Variants in RPA1 observed in about 807,000 individuals in gnomAD.
The protein encoded by RPA1 is replication protein A 70 kDa DNA-binding subunit.
Under a neutral mutation model 83.0 loss-of-function variants are expected in RPA1, and 49 were observed. That is an observed-to-expected ratio of 0.59 (90% CI 0.47 to 0.75). The LOEUF is 0.75. Among genes scored for constraint, RPA1 ranks in the 30% least tolerant of loss-of-function variants. The pLI is 0.00. For synonymous variants in RPA1, 279 were observed against 281.8 expected, an observed-to-expected ratio of 0.99 and a Z score of 0.10; for missense variants, 693 against 776.1, an observed-to-expected ratio of 0.89 and a Z score of 1.27.
chr17:1,897,210 T>G lies in RPA1; in HGVS notation c.*35T>G. On this transcript the variant is annotated 3_prime_UTR_variant, in exon 17 of 17. Coordinates refer to ENST00000254719, the MANE Select transcript of RPA1 (RefSeq NM_002945.5). Reference sequence around the variant, plus strand: ...TGCCAATCGGGCAGAAGTTTGCAAATAGGCAGAATGGAATCGATTTCCTCC... The same window carrying G: ...TGCCAATCGGGCAGAAGTTTGCAAAGAGGCAGAATGGAATCGATTTCCTCC... 1 of 1,459,632 alleles carries G rather than the reference T, an allele frequency of 6.9e-7. No homozygotes were observed. The highest frequency in any genetic ancestry group is 9.3e-7 in the Non-Finnish European group (1 of 1,069,614). 90.4% of individuals were successfully genotyped at this position (1,459,632 alleles called of 1,614,324 possible).
chr17:1,875,699 T>C lies in RPA1; in HGVS notation c.493T>C (p.Phe165Leu). 1.9e-6 allele frequency: 3 copies of C among 1,614,154 alleles called. No individual in the cohort carries two copies. The highest frequency in any genetic ancestry group is 1.7e-6 in the Non-Finnish European group (2 of 1,180,022). ...VSKAYGASKTFGKAAGPSLSH... is the reference protein window; with the variant it reads ...VSKAYGASKTLGKAAGPSLSH... ...TAAGGCTTATGGTGCTTCAAAGACA[T>C]TTGGAAAAGCTGCAGGTCCCAGCCT... is the stretch of plus-strand genomic sequence containing the variant. Residue 165 changes from phenylalanine to leucine, a missense_variant, in exon 7 of 17, where the codon TTT (phenylalanine) becomes CTT (leucine). By Grantham distance (22) the Phe-to-Leu change is conservative. Coordinates refer to ENST00000254719, the MANE Select transcript of RPA1 (RefSeq NM_002945.5).
chr17:1,853,187 A>T lies in RPA1; in HGVS notation c.359A>T (p.Glu120Val). 6.2e-7 allele frequency: 1 copy of T among 1,613,300 alleles called. No homozygotes were observed. Among genetic ancestry groups the T allele is most frequent in the Non-Finnish European group, 8.5e-7 (1 of 1,179,236 alleles). The change falls in exon 5 of 17, where the codon GAA (glutamate) becomes GTA (valine). Residue 120 changes from glutamate to valine, a missense_variant and splice_region_variant. Coordinates refer to ENST00000254719, the MANE Select transcript of RPA1 (RefSeq NM_002945.5). ...VKIGNPVPYN[E>V]GLGQPQVAPP... ...ATTGGCAATCCAGTGCCCTATAATGAAGGTAAAATGCTTTGGCGTAGGTTG... is the reference window on the plus strand; with the variant it reads ...ATTGGCAATCCAGTGCCCTATAATGTAGGTAAAATGCTTTGGCGTAGGTTG...
chr17:1,850,440 G>A (rs943919140), intron 4 of RPA1, among the ~76,000 whole-genome samples: 1 of 151,570 alleles, frequency 6.6e-6, no homozygotes, highest in Non-Finnish European at 1.5e-5. Flanking sequence ...GGGAGGCTGA[G>A]GCAAGAGAAT....
At chr17:1,882,609 G>A (rs572735251) in intron 12 of RPA1, among the ~76,000 whole-genome samples, 3 of 152,234 alleles carry the variant, frequency 2.0e-5, no homozygotes, top group East Asian at 3.9e-4. Flanking sequence ...AGGTTGCAGC[G>A]AGCCAAGTTG....
chr17:1,896,544 T>A (rs1435965626), intron 16 of RPA1, among the ~76,000 whole-genome samples: 1 of 151,992 alleles, frequency 6.6e-6, no homozygotes, highest in Admixed American at 6.6e-5. Context: ...CTGGGGGGGA[T>A]TTTTGGGGCC....
intron 6 of RPA1, among the ~76,000 whole-genome samples, chr17:1,873,992 CAAAAAAAA>C (rs71150832): frequency 6.6e-5 from 3 of 45,420 alleles, no homozygotes; most frequent in East Asian, 1.4e-3. Flanking sequence ...GACTCTGTCT[CAAAAAAAA>C]AAAAAAAAAA....
At chr17:1,895,313 T>C (rs1041100629) in intron 16 of RPA1, among the ~76,000 whole-genome samples, 10 of 151,680 alleles carry the variant, frequency 6.6e-5, no homozygotes, top group African/African-American at 2.4e-4. Flanking sequence ...GGGTGGGGAA[T>C]ACAATATGGA....
At chr17:1,894,917 A>T (rs1914340738) in intron 15 of RPA1, 92 bp from the exon 16 acceptor site, 1 of 936,432 alleles carries the variant, frequency 1.1e-6, no homozygotes, top group Admixed American at 1.9e-5. Flanking sequence ...TACCCAGGAG[A>T]TGCATTTTCA....
At chr17:1,879,796 G>A in intron 11 of RPA1, 97 bp downstream of exon 11, 1 of 1,467,158 alleles carries the variant, frequency 6.8e-7, no homozygotes. Flanking sequence ...CACACAGGAG[G>A]AGCTCCTGGA....
intron 4 of RPA1, among the ~76,000 whole-genome samples, chr17:1,850,345 G>T (rs1478529800): frequency 6.8e-6 from 1 of 147,862 alleles, no homozygotes; most frequent in Non-Finnish European, 1.5e-5. Flanking sequence ...CAGCCTGGCT[G>T]GCCAACATGG....
Position 1,884,644 on chromosome 17 carries a change from C to T in RPA1, c.1374+700C>T, listed in dbSNP as rs1163311124. Among the ~76,000 whole-genome samples the T allele has an allele frequency of 6.6e-6, 1 of 152,120 alleles. No homozygotes were observed. Among genetic ancestry groups the T allele is most frequent in the Non-Finnish European group, 1.5e-5 (1 of 68,024 alleles). On this transcript the variant is annotated intron_variant, in intron 13 of 16. Coordinates refer to ENST00000254719, the MANE Select transcript of RPA1 (RefSeq NM_002945.5). The surrounding 1 kb of genome is among the most constrained non-coding windows in gnomAD (Gnocchi z 4.1). Reference sequence around the variant, plus strand: ...TCTCATTTCACTGTATACCCTTATCCATCATTGTCAACAGCAGCTCTTAAG... The same window carrying T: ...TCTCATTTCACTGTATACCCTTATCTATCATTGTCAACAGCAGCTCTTAAG...
chr17:1,843,117 C>T (rs1218264091), intron 2 of RPA1, among the ~76,000 whole-genome samples: 1 of 151,900 alleles, frequency 6.6e-6, no homozygotes, highest in African/African-American at 2.4e-5. Context: ...TGATAGATGA[C>T]TGTGGAGCTA....
Position 1,891,806 on chromosome 17 carries a change from GAAATAATGTAGAATTGTGTTTTTTAGGT to G in RPA1, c.1552-21_1558del. ...TGTGTCTTTTTATTATTTCTTTGCT[GAAATAATGTAGAATTGTGTTTTTTAGGT>G]AAATATTGCAGATTTTCAAGAGAAT... On this transcript the variant is annotated splice_acceptor_variant and splice_polypyrimidine_tract_variant and coding_sequence_variant and intron_variant, in exon 15 of 17. Transcript: ENST00000254719. LOFTEE classifies it high-confidence loss of function. 1 of 1,389,036 alleles carries G rather than the reference GAAATAATGTAGAATTGTGTTTTTTAGGT, an allele frequency of 7.2e-7. No homozygotes were observed. Among genetic ancestry groups the G allele is most frequent in the Non-Finnish European group, 1.0e-6 (1 of 992,124 alleles). The allele number at this position is 1,389,036 out of a possible 1,614,324, so 86.0% of individuals were successfully genotyped here.
chr17:1,852,893 G>A (rs1387711949), intron 4 of RPA1, among the ~76,000 whole-genome samples: 1 of 152,168 alleles, frequency 6.6e-6, no homozygotes, highest in Non-Finnish European at 1.5e-5. Flanking sequence ...CGAGAACACT[G>A]CATTTTAATT....
At chr17:1,872,315 A>G (rs1713164076) in intron 5 of RPA1, 119 bp from the exon 6 acceptor site, 4 of 1,442,910 alleles carry the variant, frequency 2.8e-6, no homozygotes, top group Admixed American at 2.2e-5. Context: ...ATTCTAATCC[A>G]TGGGAGTCTT....
intron 5 of RPA1, chr17:1,858,272 G>A (rs1912795771): frequency 6.2e-7 from 1 of 1,612,154 alleles, no homozygotes; most frequent in Admixed American, 1.7e-5. Flanking sequence ...AAGTTCCCAG[G>A]GAGTAACACG....
At chr17:1,842,663 C>T in intron 1 of RPA1, 140 bp from the exon 2 acceptor site, 1 of 678,566 alleles carries the variant, frequency 1.5e-6, no homozygotes. Context: ...GAGTGATAAA[C>T]TAGATGCTTC....
intron 13 of RPA1, among the ~76,000 whole-genome samples, chr17:1,888,470 C>T (rs1914075921): frequency 5.9e-5 from 9 of 152,162 alleles, no homozygotes; most frequent in Admixed American, 5.2e-4. Flanking sequence ...CTTATTAGAA[C>T]TTGGCTTATT....
At position 1,897,309 on chromosome 17, in the gene RPA1, C is replaced by T; in HGVS notation, c.*134C>T. 1 of 662,864 alleles carries T rather than the reference C, an allele frequency of 1.5e-6. No individual in the cohort carries two copies. 41.1% of individuals were successfully genotyped at this position (662,864 alleles called of 1,614,324 possible). A position where few individuals can be genotyped will look rare whatever the true frequency, so the allele number is the denominator to read the frequency against. ...GATGGTGGACTAAGCAATTTCCCCC[C>T]TCGTGCGCATCTCAGAACCCATCGG... On this transcript the variant is annotated 3_prime_UTR_variant, in exon 17 of 17. Transcript: ENST00000254719.
Sources: gnomAD v4.1 joint callset for allele counts (sites outside exome capture counted in the v4.1 genomes callset) on GRCh38, gnomAD v4.1.1 for gene constraint, Gnocchi (gnomAD v3.1) non-coding constraint, MANE v1.5 for transcripts, NCBI Gene and HGNC (gene_info 2026-07-23, HGNC 2026-07-21) for gene names.